MMRN2: variants seen among roughly 807,000 people sequenced by gnomAD.
The protein encoded by MMRN2 is multimerin 2, also known as multimerin-2.
MMRN2 carries 53 observed loss-of-function variants against 68.8 expected under a neutral mutation model. That is an observed-to-expected ratio of 0.77 (90% CI 0.62 to 0.97). The LOEUF is 0.97. Ranked by LOEUF, MMRN2 falls within the 50% of genes least tolerant of loss-of-function variation. The probability of loss-of-function intolerance (pLI) is 0.00; values close to 1 mark genes in which losing one functional copy is unlikely to be tolerated. For synonymous variants in MMRN2, 564 were observed against 551.6 expected (o/e 1.02, Z -0.32); for missense variants, 1,266 against 1,259.5 (o/e 1.01, Z -0.08).
At position 86,944,428 on chromosome 10, in the gene MMRN2, A is replaced by C; in HGVS notation, c.489T>G (p.Leu163=). 1 of 1,613,664 alleles carries C rather than the reference A, an allele frequency of 6.2e-7. No individual in the cohort carries two copies. Among genetic ancestry groups the C allele is most frequent in the Non-Finnish European group, 8.5e-7 (1 of 1,180,002 alleles). The change falls in exon 5 of 7, where the codon CTT becomes CTG. Residue 163 remains leucine, a synonymous_variant. Coordinates refer to ENST00000372027, the MANE Select transcript of MMRN2 (RefSeq NM_024756.3). ...DGPVSFKPGH[L]AAVINEVEVQ... is the part of the protein sequence containing the mutation. ...CCTCAACCTCATTGATCACTGCAGC[A>C]AGGTGGCCTAAATACACAGCAGACA...
In MMRN2 at chr10:86,945,422, A is replaced by C; in HGVS notation, c.348T>G (p.Ser116=). The change falls in exon 3 of 7, where the codon TCT becomes TCG. Residue 116 remains serine (S), a synonymous_variant. Coordinates refer to ENST00000372027, the MANE Select transcript of MMRN2 (RefSeq NM_024756.3). ...AGCCAGGGCAGCACCTCCAGGCCAA[A>C]GAGGTCAGCACCTTCTGCTTGACCT... The part of the protein sequence containing the change: ...VYQVKQKVLT[S]LAWRCCPGYT... 1 of 1,576,464 alleles carries C rather than the reference A, an allele frequency of 6.3e-7. No homozygotes were observed. The highest frequency in any genetic ancestry group is 8.6e-7 in the Non-Finnish European group (1 of 1,159,754).
At position 86,942,587 on chromosome 10, in the gene MMRN2, G is replaced by A. The variant is rs757963441; in HGVS notation, c.2197C>T (p.Leu733Phe). ...TGAGTGGCGAAGAGTGCGTTGTGGA[G>A]GCCGTGAAGGGAGGCGTTGAGGGAG... The part of the protein sequence containing the change: ...AASLNASLHG[L>F]HNALFATQRS... Residue 733 changes from leucine to phenylalanine, a missense_variant, in exon 6 of 7, where the codon CTC (leucine) becomes TTC (phenylalanine). Physicochemically the swap from Leu to Phe is conservative, Grantham distance 22 (BLOSUM62 0). Coordinates refer to ENST00000372027, the MANE Select transcript of MMRN2 (RefSeq NM_024756.3). The A allele has an allele frequency of 1.9e-6, 3 of 1,611,416 alleles. No homozygotes were observed. Among genetic ancestry groups the A allele is most frequent in the South Asian group, 2.2e-5 (2 of 91,064 alleles).
At chr10:86,948,307 A>C (rs1243149075) in intron 1 of MMRN2, among the ~76,000 whole-genome samples, 1 of 152,052 alleles carries the variant, frequency 6.6e-6, no homozygotes, top group East Asian at 1.9e-4. Flanking sequence ...TGTAAGGAGA[A>C]GAGAACCACT....
At chr10:86,937,887 G>C (rs902362202) in intron 6 of MMRN2, among the ~76,000 whole-genome samples, 3 of 152,170 alleles carry the variant, frequency 2.0e-5, no homozygotes, top group Non-Finnish European at 4.4e-5. Flanking sequence ...CAGAACCTTG[G>C]AGAAAGAAGG....
Position 86,945,382 on chromosome 10 carries a change from A to G in MMRN2, c.388T>C (p.Cys130Arg), listed in dbSNP as rs779310237. 3 of 1,591,090 alleles carry G rather than the reference A, an allele frequency of 1.9e-6. No homozygotes were observed. Among genetic ancestry groups the G allele is most frequent in the Non-Finnish European group, 1.7e-6 (2 of 1,168,112 alleles). The change falls in exon 3 of 7, where the codon TGC becomes CGC. Residue 130 changes from cysteine to arginine, a missense_variant. Physicochemically the swap from Cys to Arg is radical, Grantham distance 180. Transcript: ENST00000372027. ...CAGGGAGCCCTACCGTGGTGCTCGC[A>G]GTTGGGGCCCGTGTAGCCAGGGCAG... ...RCCPGYTGPN[C>R]EHHDSMAIPE...
intron 1 of MMRN2, among the ~76,000 whole-genome samples, chr10:86,948,348 TAAAAG>T (rs1293897032): frequency 6.6e-4 from 99 of 150,156 alleles, no homozygotes; most frequent in African/African-American, 2.4e-3. Context: ...TCCAGGTTGA[TAAAAG>T]AAATTACTGC....
chr10:86,951,748 A>G (rs1844147679), intron 1 of MMRN2, among the ~76,000 whole-genome samples: 2 of 152,138 alleles, frequency 1.3e-5, no homozygotes, highest in Admixed American at 1.3e-4. Context: ...GCAGATGAAT[A>G]ATCAAGAACA....
rs756368217 is a variant in MMRN2 at position 86,943,406 on chromosome 10, TCTC to T, written c.1375_1377del (p.Glu459del). On this transcript the variant is annotated inframe_deletion, in exon 6 of 7. Transcript: ENST00000372027. This position sits in a 1 kb window ranked among gnomAD's most constrained non-coding sequence, Gnocchi z 4.2. ...AGCTGCCGCTCCACCTCCTCCTTGT[TCTC>T]CTCCATGATCAGAGACTTCTCCATC... 33 of 1,613,804 alleles carry T rather than the reference TCTC, an allele frequency of 2.0e-5. No individual in the cohort carries two copies. Among genetic ancestry groups the T allele is most frequent in the Non-Finnish European group, 2.8e-5 (33 of 1,179,958 alleles).
chr10:86,942,613 G>A lies in MMRN2; in HGVS notation c.2171C>T (p.Ala724Val). The change falls in exon 6 of 7, where the codon GCC (alanine) becomes GTC (valine). Residue 724 changes from alanine to valine, a missense_variant. Physicochemically the swap from Ala to Val is moderately conservative, Grantham distance 64. Transcript: ENST00000372027. ...CCEAEAGAGAASLNASLHGLH... is the reference protein window; with the variant it reads ...CCEAEAGAGAVSLNASLHGLH... ...GCCGTGAAGGGAGGCGTTGAGGGAG[G>A]CGGCCCCGGCCCCGGCCTCGGCCTC... is the stretch of plus-strand genomic sequence containing the variant. 2 of 1,605,976 alleles carry A rather than the reference G, an allele frequency of 1.2e-6. No individual in the cohort carries two copies. The highest frequency in any genetic ancestry group is 1.7e-4 in the Middle Eastern group (1 of 5,886).
Position 86,943,054 on chromosome 10 carries a change from G to C in MMRN2, c.1730C>G (p.Ala577Gly). The C allele has an allele frequency of 2.2e-6, 3 of 1,385,678 alleles. No individual in the cohort carries two copies. Among genetic ancestry groups the C allele is most frequent in the Non-Finnish European group, 2.8e-6 (3 of 1,076,162 alleles). The allele number at this position is 1,385,678 out of a possible 1,614,324, so 85.8% of individuals were successfully genotyped here. A position where few individuals can be genotyped will look rare whatever the true frequency, so the allele number is the denominator to read the frequency against. The change falls in exon 6 of 7, where the codon GCG becomes GGG. Residue 577 changes from alanine to glycine, a missense_variant. By Grantham distance (60) the Ala-to-Gly change is moderately conservative. Transcript: ENST00000372027. This position sits in a 1 kb window ranked among gnomAD's most constrained non-coding sequence, Gnocchi z 4.2. ...GGCCTCGGCCGCGGCCGCCTTCAGC[G>C]CGCCCACCTCGTCATCCAGCGCCTG... Reference protein sequence around the residue: ...QVQALDDEVGALKAAAAEARH... With the variant: ...QVQALDDEVGGLKAAAAEARH...
At chr10:86,938,960 C>G (rs1021503791) in intron 6 of MMRN2, among the ~76,000 whole-genome samples, 1 of 144,370 alleles carries the variant, frequency 6.9e-6, no homozygotes, top group Non-Finnish European at 1.5e-5. Context: ...GTCGGGAATT[C>G]GAGACCAGCG....
chr10:86,940,699 C>T (rs922309705), intron 6 of MMRN2, among the ~76,000 whole-genome samples: 1 of 152,232 alleles, frequency 6.6e-6, no homozygotes, highest in Non-Finnish European at 1.5e-5. Flanking sequence ...TCAGCTGGGG[C>T]AGGGGCTGCC....
Position 86,943,253 on chromosome 10 carries a change from C to T in MMRN2, c.1531G>A (p.Ala511Thr), listed in dbSNP as rs750530032. 6.2e-7 allele frequency: 1 copy of T among 1,612,810 alleles called. No individual in the cohort carries two copies. Among genetic ancestry groups the T allele is most frequent in the Non-Finnish European group, 8.5e-7 (1 of 1,179,596 alleles). Residue 511 changes from alanine to threonine, a missense_variant, in exon 6 of 7, where the codon GCC becomes ACC. Ala to Thr is a moderately conservative substitution (Grantham distance 58). Transcript: ENST00000372027. This position sits in a 1 kb window ranked among gnomAD's most constrained non-coding sequence, Gnocchi z 4.2. ...LDVIREGQRD[A>T]TRALEETQVS... is the part of the protein sequence containing the mutation. ...TGGGTCTCCTCCAGGGCACGCGTGG[C>T]GTCCCTCTGGCCCTCCCGGATGACG...
Position 86,945,544 on chromosome 10 carries a change from C to T in MMRN2, c.293+17G>A, listed in dbSNP as rs1181330762. ...CCGCTCCAGGCCTGGGCAAATGGCC[C>T]ACCCTCCCCTACTCACATGACTTTG... On this transcript the variant is annotated intron_variant, in intron 2 of 6. Transcript: ENST00000372027. 4 of 1,576,544 alleles carry T rather than the reference C, an allele frequency of 2.5e-6. No individual in the cohort carries two copies. Among genetic ancestry groups the T allele is most frequent in the Non-Finnish European group, 3.4e-6 (4 of 1,160,326 alleles).
rs1351659305 is a variant in MMRN2, at chr10:86,935,988, A to T, written c.*755T>A. 1 of 154,676 alleles carries T rather than the reference A, an allele frequency of 6.5e-6. No homozygotes were observed. The highest frequency in any genetic ancestry group is 2.4e-5 in the African/African-American group (1 of 41,728). 9.6% of individuals were successfully genotyped at this position (154,676 alleles called of 1,614,324 possible). A position where few individuals can be genotyped will look rare whatever the true frequency, so the allele number is the denominator to read the frequency against. On this transcript the variant is annotated 3_prime_UTR_variant, in exon 7 of 7. Coordinates refer to ENST00000372027, the MANE Select transcript of MMRN2 (RefSeq NM_024756.3). ...AGAATGAACACAGGAGGAACTATCAAACTTATAAAATCATCAGATCTCGTG... is the reference window on the plus strand; with the variant it reads ...AGAATGAACACAGGAGGAACTATCATACTTATAAAATCATCAGATCTCGTG...
rs770742448 is a variant in MMRN2 at position 86,936,730 on chromosome 10, T to C, written c.*13A>G. 6.8e-6 allele frequency: 11 copies of C among 1,612,900 alleles called. No homozygotes were observed. In the East Asian group the frequency reaches 1.1e-4, roughly 16 times the overall value. On this transcript the variant is annotated 3_prime_UTR_variant, in exon 7 of 7. Transcript: ENST00000372027. ...GGCGAGTCCATGATGTCTGATCAGATTGGGGCTGGGGTTCAGGTCTTAAAC... is the reference window on the plus strand; with the variant it reads ...GGCGAGTCCATGATGTCTGATCAGACTGGGGCTGGGGTTCAGGTCTTAAAC...
chr10:86,937,724 G>T (rs534661842), intron 6 of MMRN2, among the ~76,000 whole-genome samples: 1 of 152,170 alleles, frequency 6.6e-6, no homozygotes, highest in African/African-American at 2.4e-5. Context: ...ACAGGAACAC[G>T]GGTCTCTGAC....
intron 4 of MMRN2, 116 bp from the exon 5 acceptor site, chr10:86,944,551 T>A (rs1169268312): frequency 2.6e-6 from 3 of 1,167,336 alleles, no homozygotes; most frequent in Non-Finnish European, 3.7e-6. Flanking sequence ...GCTGATGTCC[T>A]CTGAGCAGGA....
At chr10:86,944,600 C>T in intron 4 of MMRN2, 165 bp from the exon 5 acceptor site, 1 of 657,604 alleles carries the variant, frequency 1.5e-6, no homozygotes, top group Non-Finnish European at 2.6e-6. Flanking sequence ...AAATGCATAG[C>T]AAGTGAGCCC....
Sources: allele counts gnomAD v4.1 joint callset (sites outside exome capture counted in the v4.1 genomes callset), GRCh38; gene constraint gnomAD v4.1.1; non-coding constraint Gnocchi (gnomAD v3.1); transcripts MANE v1.5; gene names NCBI Gene and HGNC (gene_info 2026-07-23, HGNC 2026-07-21).